DIS3L2: variants seen among roughly 807,000 people sequenced by gnomAD.
DIS3L2 encodes DIS3 like 3'-5' exoribonuclease 2, also known as DIS3-like exonuclease 2.
DIS3L2 carries 34 observed loss-of-function variants against 97.5 expected under a neutral mutation model. The ratio of observed to expected loss-of-function variants is 0.35; its 90% CI spans 0.27 to 0.46. The LOEUF (loss-of-function observed/expected upper bound fraction) is 0.46, where lower values mean the gene tolerates loss of function less well. Among genes scored for constraint, DIS3L2 ranks in the 20% least tolerant of loss-of-function variants. The pLI, the probability that DIS3L2 is intolerant of heterozygous loss-of-function variation, is 1.00. For missense variants in DIS3L2, 1,038 were observed against 1,146.0 expected (o/e 0.91, Z 1.36); for synonymous variants, 435 against 445.2 (o/e 0.98, Z 0.29).
chr2:232,226,309 G>A (rs1156276333), intron 10 of DIS3L2, among the ~76,000 whole-genome samples: 1 of 152,172 alleles, frequency 6.6e-6, no homozygotes, highest in Non-Finnish European at 1.5e-5. Flanking sequence ...TGGTATGATA[G>A]GTGAGCACAT....
In DIS3L2 at chr2:232,335,644, C is replaced by G; in HGVS notation, c.2395-129C>G. On this transcript the variant is annotated intron_variant, in intron 19 of 20. Coordinates refer to ENST00000325385, the MANE Select transcript of DIS3L2 (RefSeq NM_152383.5). ...CCTGGCAGGGCCTCCCTGAAGCTCCCTCCAGCCAGGCAAGGGTGGGCCAGG... is the reference window on the plus strand; with the variant it reads ...CCTGGCAGGGCCTCCCTGAAGCTCCGTCCAGCCAGGCAAGGGTGGGCCAGG... 3 of 1,076,020 alleles carry G rather than the reference C, an allele frequency of 2.8e-6. No individual in the cohort carries two copies. The South Asian group carries it at 4.7e-5, about 17-fold the overall frequency. The allele number at this position is 1,076,020 out of a possible 1,614,324, so 66.7% of individuals were successfully genotyped here. A position where few individuals can be genotyped will look rare whatever the true frequency, so the allele number is the denominator to read the frequency against.
At chr2:232,302,788 T>C (rs551712965) in intron 14 of DIS3L2, among the ~76,000 whole-genome samples, 72 of 152,178 alleles carry the variant, frequency 4.7e-4, no homozygotes, top group African/African-American at 1.6e-3. Context: ...CTTGAATTCC[T>C]GATCTAGGTG....
At chr2:232,100,316 C>T (rs1039958318) in intron 6 of DIS3L2, among the ~76,000 whole-genome samples, 6 of 151,214 alleles carry the variant, frequency 4.0e-5, no homozygotes, top group Admixed American at 6.6e-5. Context: ...GGATTACAGG[C>T]GTGAGCCACC....
chr2:232,163,789 A>G (rs530113509), intron 9 of DIS3L2, among the ~76,000 whole-genome samples, 157 bp downstream of exon 9: 16 of 152,374 alleles, frequency 1.1e-4, no homozygotes, highest in African/African-American at 3.4e-4. Flanking sequence ...TATGGCCCAC[A>G]GGCTAAATCT....
rs1695552359 is a variant in DIS3L2, at chr2:232,325,725, C to T, written c.1740-4088C>T. 6.6e-6 allele frequency among the ~76,000 whole-genome samples: 1 copy of T among 152,234 alleles called. No individual in the cohort carries two copies. Among genetic ancestry groups the T allele is most frequent in the East Asian group, 1.9e-4 (1 of 5,194 alleles). On this transcript the variant is annotated intron_variant, in intron 14 of 20. Transcript: ENST00000325385. The surrounding 1 kb of genome is among the most constrained non-coding windows in gnomAD (Gnocchi z 4.6). ...TAGCTTGCTGTTCTGGAAGGTGATG[C>T]TGGCTGGCAGCCATTCCCAGCCCCT...
At chr2:231,999,022 C>G (rs1693803657) in intron 1 of DIS3L2, among the ~76,000 whole-genome samples, 1 of 152,168 alleles carries the variant, frequency 6.6e-6, no homozygotes, top group African/African-American at 2.4e-5. Flanking sequence ...CAGGGCTTGG[C>G]AAACCTTTTC....
At chr2:232,144,236 A>G (rs957389889) in intron 8 of DIS3L2, among the ~76,000 whole-genome samples, 1 of 152,120 alleles carries the variant, frequency 6.6e-6, no homozygotes, top group African/African-American at 2.4e-5. Context: ...TAGCCAAACC[A>G]TTCCCAAAGT....
chr2:232,099,571 G>A (rs553575920), intron 6 of DIS3L2, among the ~76,000 whole-genome samples: 1 of 152,256 alleles, frequency 6.6e-6, no homozygotes, highest in South Asian at 2.1e-4. Flanking sequence ...TGTTAATTCA[G>A]TGTTTAGAAT....
At chr2:232,184,899 G>A (rs1574932435) in intron 9 of DIS3L2, among the ~76,000 whole-genome samples, 1 of 152,114 alleles carries the variant, frequency 6.6e-6, no homozygotes, top group East Asian at 1.9e-4. Flanking sequence ...TCTTACCTAT[G>A]CCTTGCATTG....
At chr2:232,043,493 G>A (rs1402851543) in intron 5 of DIS3L2, among the ~76,000 whole-genome samples, 1 of 152,190 alleles carries the variant, frequency 6.6e-6, no homozygotes, top group Non-Finnish European at 1.5e-5. Flanking sequence ...TTCATTATGT[G>A]TTGCATTCCT....
At chr2:232,199,057 C>G (rs969945073) in intron 9 of DIS3L2, among the ~76,000 whole-genome samples, 1 of 152,174 alleles carries the variant, frequency 6.6e-6, no homozygotes, top group Non-Finnish European at 1.5e-5. Context: ...TCCCAAACCC[C>G]GAAAGCAGTA....
chr2:232,128,668 T>C (rs1698137703), intron 6 of DIS3L2, among the ~76,000 whole-genome samples: 1 of 151,964 alleles, frequency 6.6e-6, no homozygotes, highest in Non-Finnish European at 1.5e-5. Context: ...TTGCCCAGGC[T>C]GGTCTTGAAC....
rs191129105 is a variant in DIS3L2, at chr2:232,175,080, C to T, written c.1124+11448C>T. 1.3e-4 allele frequency among the ~76,000 whole-genome samples: 20 copies of T among 152,186 alleles called. 1 individual carries two copies. The East Asian group carries it at 2.5e-3, about 19-fold the overall frequency. The stretch of plus-strand genomic sequence containing the variant: ...TTAGGCTCAAGTGATCTGCCCGCCC[C>T]GGCCTCCCAAAGTGCTGGGATTACA... On this transcript the variant is annotated intron_variant, in intron 9 of 20. Coordinates refer to ENST00000325385, the MANE Select transcript of DIS3L2 (RefSeq NM_152383.5).
intron 14 of DIS3L2, 28 bp from the exon 15 acceptor site, chr2:232,329,785 T>TACCCGGGGGGGCCCCCCCCCC: frequency 1.0e-6 from 1 of 967,144 alleles, no homozygotes; most frequent in Non-Finnish European, 1.5e-6. Context: ...ACCCCAGCGG[T>TACCCGGGGGGGCCCCCCCCCC]CCCTCCCATC....
chr2:231,991,223 C>T (rs13431581), intron 1 of DIS3L2, among the ~76,000 whole-genome samples: 7 of 152,032 alleles, frequency 4.6e-5, no homozygotes, highest in African/African-American at 7.2e-5. Flanking sequence ...TCTTAAATTC[C>T]GTAATGTGGG....
chr2:232,260,331 T>A (rs1693682271), intron 12 of DIS3L2: 1 of 152,252 alleles, frequency 6.6e-6, no homozygotes, highest in Admixed American at 6.5e-5. Context: ...CTGGAGCAGC[T>A]CTTCAGGAAA....
intron 1 of DIS3L2, among the ~76,000 whole-genome samples, chr2:231,984,933 T>C (rs2106183485): frequency 6.6e-6 from 1 of 152,324 alleles, no homozygotes; most frequent in Admixed American, 6.5e-5. Flanking sequence ...TTAAACTTTT[T>C]ATTTTGAGCT....
At chr2:232,229,922 T>C (rs1692745240) in intron 10 of DIS3L2, among the ~76,000 whole-genome samples, 1 of 152,142 alleles carries the variant, frequency 6.6e-6, no homozygotes, top group Admixed American at 6.5e-5. Context: ...TCCTGACCTT[T>C]GGGGAGACCT....
chr2:232,343,714 CAG>C (rs1452732327), exon 14 of DIS3L2: 1 of 936,210 alleles, frequency 1.1e-6, no homozygotes, highest in African/African-American at 1.7e-5. Context: ...GTGGAAAAGT[CAG>C]AGTTACGGAG....
Sources: gnomAD v4.1 joint callset for allele counts (sites outside exome capture counted in the v4.1 genomes callset) on GRCh38, gnomAD v4.1.1 for gene constraint, Gnocchi (gnomAD v3.1) non-coding constraint, MANE v1.5 for transcripts, NCBI Gene and HGNC (gene_info 2026-07-23, HGNC 2026-07-21) for gene names.